B4GALNT3: variants seen among roughly 807,000 people sequenced by gnomAD.
The protein encoded by B4GALNT3 is beta-1,4-N-acetylgalactosaminyltransferase 3.
A neutral mutation model predicts 120.2 loss-of-function variants in B4GALNT3; 86 were observed. That is an observed-to-expected ratio of 0.72 (90% confidence interval 0.60 to 0.86). The LOEUF (loss-of-function observed/expected upper bound fraction) is 0.86. B4GALNT3 is among the 40% of genes least tolerant of loss of function. The probability of loss-of-function intolerance (pLI) is 0.00; values close to 1 mark genes in which losing one functional copy is unlikely to be tolerated. For synonymous variants in B4GALNT3, 518 were observed against 510.4 expected (o/e 1.01, Z -0.20); for missense variants, 1,167 against 1,298.9 (o/e 0.90, Z 1.56).
intron 1 of B4GALNT3, among the ~76,000 whole-genome samples, chr12:509,332 T>C (rs1946525404): frequency 2.6e-5 from 4 of 152,194 alleles, no homozygotes; most frequent in Admixed American, 1.3e-4. Context: ...CTGGAGCCAC[T>C]GTGCTTTAGG....
At chr12:504,456 C>A (rs968544818) in intron 1 of B4GALNT3, among the ~76,000 whole-genome samples, 1 of 151,004 alleles carries the variant, frequency 6.6e-6, no homozygotes, top group Admixed American at 6.6e-5. Context: ...GCCGCCCCCC[C>A]GCCCCCGAAC....
rs184730269 is a variant in B4GALNT3 at position 514,766 on chromosome 12, C to A, written c.170-20400C>A. Among the ~76,000 whole-genome samples, 45 of 152,112 alleles carry A rather than the reference C, an allele frequency of 3.0e-4. No homozygotes were observed. In the East Asian group the frequency reaches 7.8e-3, roughly 26 times the overall value. On this transcript the variant is annotated intron_variant, in intron 1 of 19. Coordinates refer to ENST00000266383, the MANE Select transcript of B4GALNT3 (RefSeq NM_173593.4). The stretch of plus-strand genomic sequence containing the variant: ...ATTCTGGGCTGGGCGTGGTGGCTTA[C>A]ACCTGTAATCCCAGCACTTTGGAAG...
chr12:554,753 G>A (rs1947129886), intron 14 of B4GALNT3, among the ~76,000 whole-genome samples: 1 of 104,766 alleles, frequency 9.5e-6, no homozygotes, highest in Non-Finnish European at 1.7e-5. Context: ...TTGCGCCACT[G>A]CACTCCAGCC....
rs1278704203 is a variant in B4GALNT3, at chr12:460,884, C to CG, written c.169+342dup. Among the ~76,000 whole-genome samples, 1 of 152,126 alleles carries CG rather than the reference C, an allele frequency of 6.6e-6. No homozygotes were observed. Among genetic ancestry groups the CG allele is most frequent in the Non-Finnish European group, 1.5e-5 (1 of 68,006 alleles). On this transcript the variant is annotated intron_variant, in intron 1 of 19. Transcript: ENST00000266383. This position sits in a 1 kb window ranked among gnomAD's most constrained non-coding sequence, Gnocchi z 8.0. ...GGAGACCGGGCCCCTCCAGCCGCTC[C>CG]GGGCTTGCGGTTCCCGGGGAGGAGG...
chr12:483,386 G>A (rs1027190799), intron 1 of B4GALNT3, among the ~76,000 whole-genome samples: 3 of 152,156 alleles, frequency 2.0e-5, no homozygotes, highest in Non-Finnish European at 1.5e-5. Context: ...AAGAACCATG[G>A]CAAAGCTATT....
chr12:476,705 TA>T (rs1467213269), intron 1 of B4GALNT3, among the ~76,000 whole-genome samples: 2 of 152,230 alleles, frequency 1.3e-5, no homozygotes, highest in Non-Finnish European at 2.9e-5. Flanking sequence ...CGCCATTGTT[TA>T]TTATAACTTA....
Position 557,650 on chromosome 12 carries a change from T to C in B4GALNT3, c.2423T>C (p.Met808Thr), listed in dbSNP as rs547928240. The C allele has an allele frequency of 2.5e-6, 4 of 1,611,826 alleles. No homozygotes were observed. The highest frequency in any genetic ancestry group is 3.4e-5 in the Admixed American group (2 of 59,588). ...TGGGTACAGCAATTCATCAAAGACA[T>C]GGAAAACCTGTTCCAGGTCACCGGT... is the stretch of plus-strand genomic sequence containing the variant. Reference protein sequence around the residue: ...ARWVQQFIKDMENLFQVTGDP... With the variant: ...ARWVQQFIKDTENLFQVTGDP... The change falls in exon 16 of 20, where the codon ATG becomes ACG. Residue 808 changes from methionine (M) to threonine (T), a missense_variant. Around this residue, in one of 3 missense-constraint regions of B4GALNT3, gnomAD observed 983 missense variants for 1,102.5 expected, o/e 0.89. Transcript: ENST00000266383.
chr12:464,630 T>TAA (rs35653120), intron 1 of B4GALNT3, among the ~76,000 whole-genome samples: 73,080 of 147,512 alleles, frequency 0.5, 18,969 homozygotes, highest in South Asian at 0.66. Context: ...AGACTCTACT[T>TAA]AAAAAAAAAA....
At position 558,642 on chromosome 12, in the gene B4GALNT3, C is replaced by T; in HGVS notation, c.2742C>T (p.Ala914=). The change falls in exon 18 of 20, where the codon GCC becomes GCT. Residue 914 remains alanine (A), a synonymous_variant. Coordinates refer to ENST00000266383, the MANE Select transcript of B4GALNT3 (RefSeq NM_173593.4). ...TGGTGATGAGGCTGCATTGTGGGGC[C>T]ACCCCCCAGTGGCCTGAGGGTGAGC... The part of the protein sequence containing the change: ...APMVMRLHCG[A]TPQWPEGYWE... The T allele has an allele frequency of 6.2e-7, 1 of 1,613,990 alleles. No individual in the cohort carries two copies. The highest frequency in any genetic ancestry group is 8.5e-7 in the Non-Finnish European group (1 of 1,179,980).
intron 1 of B4GALNT3, among the ~76,000 whole-genome samples, chr12:527,628 G>A (rs1388690609): frequency 7.4e-6 from 1 of 134,420 alleles, no homozygotes; most frequent in Non-Finnish European, 1.5e-5. Context: ...CCACCTTTCT[G>A]CGGCTCCTCA....
In B4GALNT3 at chr12:557,688, A is replaced by G. The variant is rs1252807147; in HGVS notation, c.2461A>G (p.Asn821Asp). The G allele has an allele frequency of 3.7e-6, 6 of 1,609,536 alleles. No homozygotes were observed. Among genetic ancestry groups the G allele is most frequent in the Non-Finnish European group, 5.1e-6 (6 of 1,178,514 alleles). ...LFQVTGDPHF[N>D]IVITDYSSED... ...CCAGGTCACCGGTGACCCACACTTC[A>G]ACATCGTCATCACTGACTATAGCAG... The change falls in exon 16 of 20, where the codon AAC (asparagine) becomes GAC (aspartate). Residue 821 changes from asparagine to aspartate, a missense_variant. Coordinates refer to ENST00000266383, the MANE Select transcript of B4GALNT3 (RefSeq NM_173593.4).
intron 3 of B4GALNT3, chr12:543,262 C>T (rs1160225663): frequency 1.9e-5 from 23 of 1,210,988 alleles, no homozygotes; most frequent in African/African-American, 4.7e-5. Flanking sequence ...GGGCCGGACC[C>T]GCACAGTGAG....
chr12:461,516 C>A (rs1275313863), intron 1 of B4GALNT3, among the ~76,000 whole-genome samples: 9 of 152,198 alleles, frequency 5.9e-5, no homozygotes, highest in Non-Finnish European at 1.3e-4. Flanking sequence ...TGGAGAAACT[C>A]CCGTTACTAC....
chr12:479,983 G>A lies in B4GALNT3; in HGVS notation c.169+19438G>A, dbSNP rs2285237. On this transcript the variant is annotated intron_variant, in intron 1 of 19. Transcript: ENST00000266383. Reference sequence around the variant, plus strand: ...GGCTGGAGTGCAGTGGCGCCATCTCGGCTCACTGCAAGCTCCACCTCCCGG... The same window carrying A: ...GGCTGGAGTGCAGTGGCGCCATCTCAGCTCACTGCAAGCTCCACCTCCCGG... Among the ~76,000 whole-genome samples the A allele has an allele frequency of 4.9e-3, 710 of 145,912 alleles. 10 individuals are homozygous for A. The highest frequency in any genetic ancestry group is 0.018 in the African/African-American group (682 of 38,732).
intron 1 of B4GALNT3, among the ~76,000 whole-genome samples, chr12:471,458 G>A (rs2120434942): frequency 6.6e-6 from 1 of 151,838 alleles, no homozygotes; most frequent in East Asian, 1.9e-4. Flanking sequence ...TGAAATCCTG[G>A]CACTTTGGGA....
intron 13 of B4GALNT3, 78 bp downstream of exon 13, chr12:552,606 G>T (rs7314430): frequency 2.1e-6 from 3 of 1,414,336 alleles, no homozygotes; most frequent in Non-Finnish European, 2.9e-6. Context: ...TGTTCAGACC[G>T]TGCCAGCCCC....
At chr12:518,865 G>A (rs539898447) in intron 1 of B4GALNT3, among the ~76,000 whole-genome samples, 13 of 151,418 alleles carry the variant, frequency 8.6e-5, no homozygotes, top group Admixed American at 3.3e-4. Flanking sequence ...ATTTTCAATC[G>A]CTATTGGTTG....
chr12:557,177 C>G (rs115153730), intron 15 of B4GALNT3, among the ~76,000 whole-genome samples: 3,651 of 152,186 alleles, frequency 0.024, 62 homozygotes, highest in African/African-American at 0.043. Flanking sequence ...GTAAGACGGG[C>G]AGCGTACTTA....
At chr12:516,426 G>A (rs1057480237) in intron 1 of B4GALNT3, among the ~76,000 whole-genome samples, 1 of 152,138 alleles carries the variant, frequency 6.6e-6, no homozygotes, top group African/African-American at 2.4e-5. Context: ...ACATGCAAAG[G>A]CCCGGGGTAC....
Sources: allele counts gnomAD v4.1 joint callset (sites outside exome capture counted in the v4.1 genomes callset), GRCh38; gene constraint gnomAD v4.1.1; regional missense constraint gnomAD v4.1.1; non-coding constraint Gnocchi (gnomAD v3.1); transcripts MANE v1.5; gene names NCBI Gene and HGNC (gene_info 2026-07-23, HGNC 2026-07-21).